Variants in GIPC2 observed in about 807,000 individuals in gnomAD.
GIPC2 encodes the protein PDZ domain-containing protein GIPC2.
A neutral mutation model predicts 30.6 loss-of-function variants in GIPC2; 30 were observed. The observed-to-expected ratio is 0.98, with a 90% confidence interval of 0.73 to 1.33. The LOEUF is 1.33. GIPC2 is among the 40% of genes most tolerant of loss of function. The probability of loss-of-function intolerance (pLI) is 0.00; values close to 1 mark genes in which losing one functional copy is unlikely to be tolerated. For missense variants in GIPC2, 414 were observed against 390.3 expected, an observed-to-expected ratio of 1.06 and a Z score of -0.51; for synonymous variants, 167 against 150.0, an observed-to-expected ratio of 1.11 and a Z score of -0.83.
chr1:78,055,606 A>G (rs1385791159), intron 1 of GIPC2, among the ~76,000 whole-genome samples: 1 of 151,932 alleles, frequency 6.6e-6, no homozygotes, highest in Non-Finnish European at 1.5e-5. Context: ...TCCTCCCATT[A>G]TTACCTCACC....
At chr1:78,076,623 C>T in intron 1 of GIPC2, among the ~76,000 whole-genome samples, 1 of 152,178 alleles carries the variant, frequency 6.6e-6, no homozygotes, top group Non-Finnish European at 1.5e-5. Context: ...GTAATGCTTG[C>T]CTGCCTGCTA....
At chr1:78,131,507 G>T (rs932928760) in intron 5 of GIPC2, among the ~76,000 whole-genome samples, 76 of 152,134 alleles carry the variant, frequency 5.0e-4, no homozygotes, top group African/African-American at 1.8e-3. Flanking sequence ...TTTTTTGCCA[G>T]ATTGCATTCA....
chr1:78,046,370 C>G, intron 1 of GIPC2, 36 bp downstream of exon 1: 3 of 1,414,748 alleles, frequency 2.1e-6, no homozygotes, highest in Non-Finnish European at 2.9e-6. Flanking sequence ...CCCGCCTCTC[C>G]GCCGCGCCGC....
intron 3 of GIPC2, among the ~76,000 whole-genome samples, chr1:78,103,864 C>T (rs918891946): frequency 6.6e-6 from 1 of 152,158 alleles, no homozygotes; most frequent in Non-Finnish European, 1.5e-5. Context: ...CAGGTCCCAC[C>T]AGTAACAGGG....
intron 3 of GIPC2, among the ~76,000 whole-genome samples, chr1:78,117,490 A>G (rs987495890): frequency 3.3e-5 from 5 of 152,234 alleles, no homozygotes; most frequent in African/African-American, 1.2e-4. Flanking sequence ...AGTTAGATTC[A>G]TAAGGAATGT....
intron 2 of GIPC2, among the ~76,000 whole-genome samples, chr1:78,083,515 C>T (rs1216646424): frequency 6.6e-6 from 1 of 152,110 alleles, no homozygotes; most frequent in Non-Finnish European, 1.5e-5. Flanking sequence ...GCTTTGATAT[C>T]ATGAAAATAC....
chr1:78,085,650 G>A (rs1557537375), intron 2 of GIPC2, among the ~76,000 whole-genome samples: 1 of 151,798 alleles, frequency 6.6e-6, no homozygotes, highest in East Asian at 1.9e-4. Context: ...AGTCTTGGGA[G>A]AGTGTATGTG....
chr1:78,113,144 A>G (rs1197294248), intron 3 of GIPC2, among the ~76,000 whole-genome samples: 1 of 152,200 alleles, frequency 6.6e-6, no homozygotes, highest in Non-Finnish European at 1.5e-5. Flanking sequence ...TGAGTAGAGG[A>G]CACAAATTGG....
At chr1:78,116,748 T>G (rs564296776) in intron 3 of GIPC2, among the ~76,000 whole-genome samples, 155 of 152,352 alleles carry the variant, frequency 1.0e-3, no homozygotes, top group Non-Finnish European at 2.0e-3. Flanking sequence ...CTTAACCCAG[T>G]CTATCATTGA....
rs768354606 is a variant in GIPC2, at chr1:78,095,202, G to T, written c.607+70G>T. 3 of 1,029,514 alleles carry T rather than the reference G, an allele frequency of 2.9e-6. No individual in the cohort carries two copies. In the East Asian group the frequency reaches 7.1e-5, roughly 24 times the overall value. The allele number at this position is 1,029,514 out of a possible 1,614,324, so 63.8% of individuals were successfully genotyped here. ...CCTGGTTTATCTTTCTAAGGGAAAT[G>T]AGTACTGTGATATGGTGCTATGTGC... On this transcript the variant is annotated intron_variant, in intron 3 of 5. Transcript: ENST00000370759.
At position 78,065,035 on chromosome 1, in the gene GIPC2, G is replaced by A. The variant is rs563379949; in HGVS notation, c.241-15640G>A. On this transcript the variant is annotated intron_variant, in intron 1 of 5. Transcript: ENST00000370759. ...GCTGGGATTATAGGTGTGAGCCACTGTGCCCGGCCCTCACTGAAACTTTGA... is the reference window on the plus strand; with the variant it reads ...GCTGGGATTATAGGTGTGAGCCACTATGCCCGGCCCTCACTGAAACTTTGA... 1.8e-4 allele frequency among the ~76,000 whole-genome samples: 27 copies of A among 152,162 alleles called. No homozygotes were observed. In the South Asian group the frequency reaches 2.3e-3, roughly 13 times the overall value.
At chr1:78,111,261 G>T (rs1431612355) in intron 3 of GIPC2, among the ~76,000 whole-genome samples, 1 of 152,138 alleles carries the variant, frequency 6.6e-6, no homozygotes, top group Admixed American at 6.5e-5. Context: ...GGGGCGGCGG[G>T]GGGTACTGGA....
At chr1:78,056,508 TA>T (rs1343063075) in intron 1 of GIPC2, among the ~76,000 whole-genome samples, 1 of 152,138 alleles carries the variant, frequency 6.6e-6, no homozygotes, top group Non-Finnish European at 1.5e-5. Context: ...ACAGAAATTT[TA>T]AATACATGCA....
In GIPC2 at chr1:78,132,468, A is replaced by G. The variant is rs112679316; in HGVS notation, c.797-3124A>G. ...TATGCATTTTGGACTGTGAGGTTAG[A>G]CTATGGGCATCTTGAAGCAGCATTT... On this transcript the variant is annotated intron_variant, in intron 5 of 5. Coordinates refer to ENST00000370759, the MANE Select transcript of GIPC2 (RefSeq NM_017655.6). 3.0e-3 allele frequency among the ~76,000 whole-genome samples: 460 copies of G among 152,290 alleles called. 1 individual carries two copies. Among genetic ancestry groups the G allele is most frequent in the African/African-American group, 0.011 (446 of 41,534 alleles).
intron 1 of GIPC2, among the ~76,000 whole-genome samples, chr1:78,048,501 A>G (rs1452235245): frequency 1.3e-5 from 2 of 151,880 alleles, no homozygotes; most frequent in Middle Eastern, 3.4e-3. Flanking sequence ...ATTATAGCTC[A>G]CTATAGCTTC....
intron 2 of GIPC2, among the ~76,000 whole-genome samples, chr1:78,086,422 A>G (rs598988): frequency 0.33 from 50,709 of 151,954 alleles, 9,215 homozygotes; most frequent in East Asian, 0.49. Flanking sequence ...GGAGAGTTCT[A>G]TAGAGGTCTT....
intron 1 of GIPC2, among the ~76,000 whole-genome samples, chr1:78,058,606 C>T (rs1056415533): frequency 3.3e-5 from 5 of 152,066 alleles, no homozygotes; most frequent in African/African-American, 1.2e-4. Flanking sequence ...CAACATGAAT[C>T]CCTTGACATA....
chr1:78,125,991 A>T, intron 5 of GIPC2, 29 bp downstream of exon 5: 1 of 995,154 alleles, frequency 1.0e-6, no homozygotes. Context: ...AAAAAGTCTT[A>T]TATCTCTTAA....
chr1:78,135,565 T>C (rs755169895), intron 5 of GIPC2, 27 bp from the exon 6 acceptor site: 33 of 1,398,442 alleles, frequency 2.4e-5, no homozygotes, highest in East Asian at 2.3e-4. Context: ...TCATTTATTG[T>C]TAATTTTTTA....
Sources: allele counts gnomAD v4.1 joint callset (sites outside exome capture counted in the v4.1 genomes callset), GRCh38; gene constraint gnomAD v4.1.1; transcripts MANE v1.5; gene names NCBI Gene and HGNC (gene_info 2026-07-23, HGNC 2026-07-21).